The following ABHD18 variants were observed in gnomAD, a reference collection of about 807,000 sequenced individuals.
ABHD18 encodes the protein abhydrolase domain containing 18.
In ABHD18, 55 loss-of-function variants were observed where a neutral mutation model predicts 65.9. That is an observed-to-expected ratio of 0.84 (90% CI 0.67 to 1.05). ABHD18 has a LOEUF of 1.05. Ranked by LOEUF, ABHD18 falls within the 50% of genes least tolerant of loss-of-function variation. ABHD18 has a pLI of 0.00. For missense variants in ABHD18, 533 were observed against 558.5 expected (o/e 0.95, Z 0.46); for synonymous variants, 181 against 180.2 (o/e 1.00, Z -0.04).
intron 12 of ABHD18, 32 bp from the exon 13 acceptor site, chr4:128,035,730 A>T (rs1410289829): frequency 1.5e-6 from 2 of 1,367,708 alleles, no homozygotes; most frequent in Admixed American, 2.2e-5. Flanking sequence ...TTTGTTAGTT[A>T]CTTAGAGTTT....
At chr4:128,001,730 T>C in intron 4 of ABHD18, 2 of 1,547,236 alleles carry the variant, frequency 1.3e-6, no homozygotes, top group Non-Finnish European at 1.7e-6. Flanking sequence ...ATTGATGAAA[T>C]GCTTGATACC....
chr4:127,967,363 T>A (rs930431543), intron 1 of ABHD18, among the ~76,000 whole-genome samples: 1 of 152,128 alleles, frequency 6.6e-6, no homozygotes, highest in African/African-American at 2.4e-5. Context: ...AATGCAGGAC[T>A]CCTGATCCTA....
At chr4:128,009,890 TCAGTAAAGCATTAGAAATAG>T (rs1432750129) in intron 6 of ABHD18, among the ~76,000 whole-genome samples, 1 of 152,216 alleles carries the variant, frequency 6.6e-6, no homozygotes, top group African/African-American at 2.4e-5. Flanking sequence ...AGTAAACATG[TCAGTAAAGCATTAGAAATAG>T]CTAAATGTCT....
intron 8 of ABHD18, among the ~76,000 whole-genome samples, chr4:128,019,863 T>C (rs570703942): frequency 2.0e-5 from 3 of 152,268 alleles, no homozygotes; most frequent in Non-Finnish European, 4.4e-5. Context: ...GAGGTTAAAG[T>C]TTTGTATTAC....
intron 4 of ABHD18, among the ~76,000 whole-genome samples, chr4:128,004,640 G>A (rs1359627339): frequency 6.6e-6 from 1 of 152,192 alleles, no homozygotes; most frequent in African/African-American, 2.4e-5. Context: ...GCCGGGCGCA[G>A]TGGTTCACGC....
chr4:128,030,645 C>G lies in ABHD18; in HGVS notation c.1316C>G (p.Ala439Gly). The G allele has an allele frequency of 6.3e-7, 1 of 1,596,630 alleles. No individual in the cohort carries two copies. The highest frequency in any genetic ancestry group is 8.5e-7 in the Non-Finnish European group (1 of 1,176,576). Reference sequence around the variant, plus strand: ...TACTTAGAAGGGGGTCATATTAGTGCTTATCTTTTTAAACAAGGACTCTTC... The same window carrying G: ...TACTTAGAAGGGGGTCATATTAGTGGTTATCTTTTTAAACAAGGACTCTTC... Reference protein sequence around the residue: ...IRYLEGGHISAYLFKQGLFRQ... With the variant: ...IRYLEGGHISGYLFKQGLFRQ... Residue 439 changes from alanine to glycine, a missense_variant, in exon 12 of 13, where the codon GCT (alanine) becomes GGT (glycine). Ala to Gly is a moderately conservative substitution (Grantham distance 60). This residue lies in a region of ABHD18 where 220 missense variants were observed against 226.8 expected (regional missense o/e 0.97). Coordinates refer to ENST00000645843, the MANE Select transcript of ABHD18 (RefSeq NM_001358451.3).
At chr4:127,981,204 G>T (rs1748981289) in intron 1 of ABHD18, among the ~76,000 whole-genome samples, 1 of 152,046 alleles carries the variant, frequency 6.6e-6, no homozygotes, top group Non-Finnish European at 1.5e-5. Context: ...GGTTTGTCAG[G>T]GTATTAAATG....
intron 12 of ABHD18, among the ~76,000 whole-genome samples, chr4:128,033,190 C>A (rs1579491103): frequency 6.6e-6 from 1 of 151,306 alleles, no homozygotes; most frequent in South Asian, 2.1e-4. Flanking sequence ...GAGGTCAGAG[C>A]TTGCAGTGAG....
At chr4:127,998,860 G>A (rs1752209909) in intron 4 of ABHD18, among the ~76,000 whole-genome samples, 1 of 151,992 alleles carries the variant, frequency 6.6e-6, no homozygotes, top group Admixed American at 6.6e-5. Flanking sequence ...CTTTAACTCT[G>A]CCACTATGGT....
chr4:127,966,951 G>A (rs1335840683), intron 1 of ABHD18, among the ~76,000 whole-genome samples: 1 of 150,746 alleles, frequency 6.6e-6, no homozygotes, highest in East Asian at 1.9e-4. Context: ...ATCAAGACCT[G>A]ATATTTTGTA....
At chr4:127,998,096 C>T (rs1349307143) in intron 4 of ABHD18, among the ~76,000 whole-genome samples, 5 of 151,822 alleles carry the variant, frequency 3.3e-5, no homozygotes, top group Admixed American at 1.3e-4. Flanking sequence ...TCTATGTTGC[C>T]CAGGCTGGTC....
rs1309179721 is a variant in ABHD18 at position 128,038,648 on chromosome 4, T to A, written c.*2835T>A. The A allele has an allele frequency of 6.6e-6, 1 of 152,174 alleles. No individual in the cohort carries two copies. Among genetic ancestry groups the A allele is most frequent in the Non-Finnish European group, 1.5e-5 (1 of 68,038 alleles). The allele number at this position is 152,174 out of a possible 1,614,324, so 9.4% of individuals were successfully genotyped here. A position where few individuals can be genotyped will look rare whatever the true frequency, so the allele number is the denominator to read the frequency against. Reference sequence around the variant, plus strand: ...GCTCACACCTGTAATCCCAGCACTTTGGGAGGCCGAGGTGGGGGGACCACC... The same window carrying A: ...GCTCACACCTGTAATCCCAGCACTTAGGGAGGCCGAGGTGGGGGGACCACC... On this transcript the variant is annotated 3_prime_UTR_variant, in exon 13 of 13. Coordinates refer to ENST00000645843, the MANE Select transcript of ABHD18 (RefSeq NM_001358451.3).
rs918626590 is a variant in ABHD18 at position 127,984,816 on chromosome 4, C to T, written c.177+393C>T. On this transcript the variant is annotated intron_variant, in intron 3 of 12. Coordinates refer to ENST00000645843, the MANE Select transcript of ABHD18 (RefSeq NM_001358451.3). The stretch of plus-strand genomic sequence containing the variant: ...CGGAGGTTGCAGTGAGCCAAGATCA[C>T]GCCTTTGCATTCCAGCCTAGGCAAC... 1.2e-4 allele frequency among the ~76,000 whole-genome samples: 19 copies of T among 152,196 alleles called. No homozygotes were observed. The East Asian group carries it at 1.3e-3, about 11-fold the overall frequency.
chr4:128,024,257 T>A (rs1188577747), intron 10 of ABHD18, among the ~76,000 whole-genome samples: 1 of 152,120 alleles, frequency 6.6e-6, no homozygotes, highest in Non-Finnish European at 1.5e-5. Context: ...CTGAACTCAT[T>A]CTTTTATCAG....
chr4:128,024,150 C>T (rs1756986742), intron 10 of ABHD18, among the ~76,000 whole-genome samples: 1 of 152,200 alleles, frequency 6.6e-6, no homozygotes, highest in Non-Finnish European at 1.5e-5. Context: ...GGGCCCACAT[C>T]TGGTGAGTGC....
chr4:127,998,461 G>A (rs977153110), intron 4 of ABHD18, among the ~76,000 whole-genome samples: 1 of 150,620 alleles, frequency 6.6e-6, no homozygotes, highest in African/African-American at 2.4e-5. Flanking sequence ...GGATGGTCTC[G>A]ATCTCCTGAC....
intron 2 of ABHD18, among the ~76,000 whole-genome samples, chr4:127,983,325 A>C (rs1225062774): frequency 6.6e-6 from 1 of 152,208 alleles, no homozygotes; most frequent in Non-Finnish European, 1.5e-5. Context: ...AATAATTATT[A>C]AGCTGATTAG....
chr4:127,999,880 CT>C, intron 4 of ABHD18, among the ~76,000 whole-genome samples: 1 of 152,168 alleles, frequency 6.6e-6, no homozygotes. Context: ...AGTTTGCACG[CT>C]GCTGATAAAG....
chr4:127,977,321 A>G (rs1268788133), intron 1 of ABHD18, among the ~76,000 whole-genome samples: 2 of 151,958 alleles, frequency 1.3e-5, no homozygotes, highest in Non-Finnish European at 2.9e-5. Context: ...AAAAATACAA[A>G]ATTAGCTGGG....
Sources: gnomAD v4.1 joint callset for allele counts (sites outside exome capture counted in the v4.1 genomes callset) on GRCh38, gnomAD v4.1.1 for gene constraint, gnomAD v4.1.1 regional missense constraint, MANE v1.5 for transcripts, NCBI Gene and HGNC (gene_info 2026-07-23, HGNC 2026-07-21) for gene names.